FOCAD: variants seen among roughly 807,000 people sequenced by gnomAD.
The protein encoded by FOCAD is focadhesin.
FOCAD carries 198 observed loss-of-function variants against 225.6 expected under a neutral mutation model. The ratio of observed to expected loss-of-function variants is 0.88; its 90% CI spans 0.78 to 0.99. FOCAD has a LOEUF of 0.99. Ranked by LOEUF, FOCAD falls within the 50% of genes least tolerant of loss-of-function variation. The probability of loss-of-function intolerance (pLI) is 0.00; values close to 1 mark genes in which losing one functional copy is unlikely to be tolerated. For synonymous variants in FOCAD, 897 were observed against 755.0 expected, an observed-to-expected ratio of 1.19 and a Z score of -3.08; for missense variants, 2,713 against 2,123.6, an observed-to-expected ratio of 1.28 and a Z score of -5.46.
chr9:20,969,510 G>C (rs1024905771), intron 35 of FOCAD, among the ~76,000 whole-genome samples: 9 of 151,842 alleles, frequency 5.9e-5, no homozygotes, highest in African/African-American at 2.2e-4. Flanking sequence ...AATTTGAATT[G>C]ATTCCAACTG....
intron 18 of FOCAD, chr9:20,872,780 C>T (rs180790230): frequency 6.6e-6 from 1 of 152,134 alleles, no homozygotes; most frequent in East Asian, 1.9e-4. Flanking sequence ...AACATTTTCC[C>T]CCCTGAAAGA....
At chr9:20,802,913 C>A (rs1020567006) in intron 11 of FOCAD, among the ~76,000 whole-genome samples, 1 of 152,126 alleles carries the variant, frequency 6.6e-6, no homozygotes, top group Non-Finnish European at 1.5e-5. Flanking sequence ...TACTTGGTAA[C>A]ACTTGGCTAA....
At chr9:20,982,533 G>A in intron 39 of FOCAD, 87 bp downstream of exon 39, 1 of 1,077,238 alleles carries the variant, frequency 9.3e-7, no homozygotes, top group Non-Finnish European at 1.4e-6. Flanking sequence ...GCTGAAGCAA[G>A]TTTTGCTTCA....
chr9:20,973,374 C>G (rs1839938363), intron 35 of FOCAD, among the ~76,000 whole-genome samples: 1 of 151,806 alleles, frequency 6.6e-6, no homozygotes, highest in Admixed American at 6.6e-5. Flanking sequence ...CCATGTTTCT[C>G]CTTTCTGCAG....
chr9:20,784,101 G>C (rs1471669423), intron 10 of FOCAD, among the ~76,000 whole-genome samples: 1 of 152,164 alleles, frequency 6.6e-6, no homozygotes, highest in African/African-American at 2.4e-5. Context: ...ATGTGGAGAA[G>C]GCCTACTGGA....
rs1840707903 is a variant in FOCAD, at chr9:20,981,622, A to G, written c.4574A>G (p.His1525Arg). Residue 1525 changes from histidine (H) to arginine (R), a missense_variant, in exon 38 of 44, where the codon CAC becomes CGC. His to Arg is a conservative substitution (Grantham distance 29). Coordinates refer to ENST00000338382, the MANE Select transcript of FOCAD (RefSeq NM_001375567.1). ...ATGAAACTGCCCAGCCCTGCCCACC[A>G]CCTCTGGAGTCTGCTCTCTGAAGCT... Reference protein sequence around the residue: ...QAMKLPSPAHHLWSLLSEATG... With the variant: ...QAMKLPSPAHRLWSLLSEATG... 1.2e-6 allele frequency: 2 copies of G among 1,613,908 alleles called. No individual in the cohort carries two copies. Among genetic ancestry groups the G allele is most frequent in the African/African-American group, 1.3e-5 (1 of 74,984 alleles).
At chr9:20,805,131 G>A (rs1391445186) in intron 11 of FOCAD, among the ~76,000 whole-genome samples, 1 of 152,070 alleles carries the variant, frequency 6.6e-6, no homozygotes, top group Admixed American at 6.6e-5. Context: ...AGCACTTTAA[G>A]GTACATGAAG....
At chr9:20,913,941 A>G (rs1253339176) in intron 23 of FOCAD, among the ~76,000 whole-genome samples, 2 of 152,148 alleles carry the variant, frequency 1.3e-5, no homozygotes, top group Non-Finnish European at 2.9e-5. Flanking sequence ...ATATATGAGT[A>G]TAAAGGAGTT....
intron 35 of FOCAD, among the ~76,000 whole-genome samples, chr9:20,961,425 A>G (rs1227561651): frequency 2.0e-5 from 3 of 151,888 alleles, no homozygotes; most frequent in African/African-American, 7.3e-5. Flanking sequence ...TCCTAGGTTT[A>G]TTTTGTACTA....
intron 2 of FOCAD, among the ~76,000 whole-genome samples, chr9:20,664,689 G>A (rs1051055836): frequency 6.8e-6 from 1 of 147,874 alleles, no homozygotes; most frequent in Non-Finnish European, 1.5e-5. Flanking sequence ...TTGTTGACCA[G>A]GCTGGTTTCA....
chr9:20,986,008 T>C lies in FOCAD; in HGVS notation c.4729-280T>C, dbSNP rs61245135. ...CAGTAAGTACTGTATTTGTTAGTCA[T>C]CATTTTATTATTATTGTTTGTGTAT... On this transcript the variant is annotated intron_variant, in intron 39 of 43. Transcript: ENST00000338382. 9.0e-3 allele frequency among the ~76,000 whole-genome samples: 1,369 copies of C among 152,264 alleles called. 20 individuals are homozygous for C. Among genetic ancestry groups the C allele is most frequent in the African/African-American group, 0.031 (1,273 of 41,556 alleles).
intron 22 of FOCAD, among the ~76,000 whole-genome samples, chr9:20,908,278 C>T (rs1375620254): frequency 2.0e-5 from 3 of 151,964 alleles, no homozygotes; most frequent in Non-Finnish European, 4.4e-5. Context: ...TTAGAGATAA[C>T]AGCTGTCCTA....
intron 18 of FOCAD, chr9:20,874,444 C>T (rs549612198): frequency 5.7e-5 from 23 of 403,196 alleles, no homozygotes; most frequent in Middle Eastern, 6.8e-4. Context: ...ACTGTATTAA[C>T]ATAAGCTTTT....
chr9:20,704,326 A>C (rs1824206493), intron 1 of FOCAD, among the ~76,000 whole-genome samples: 1 of 152,188 alleles, frequency 6.6e-6, no homozygotes, highest in Admixed American at 6.5e-5. Context: ...TTTGGTCTTC[A>C]GCTTTCATTA....
At chr9:20,865,075 C>T (rs1829108926) in intron 16 of FOCAD, among the ~76,000 whole-genome samples, 1 of 152,034 alleles carries the variant, frequency 6.6e-6, no homozygotes, top group South Asian at 2.1e-4. Context: ...CGCATTATAC[C>T]ATGTTATCAG....
intron 5 of FOCAD, among the ~76,000 whole-genome samples, chr9:20,743,580 T>A (rs558978679): frequency 2.0e-5 from 3 of 152,242 alleles, no homozygotes; most frequent in Non-Finnish European, 4.4e-5. Context: ...GCTGTAGAGA[T>A]GGTATTCTTT....
At position 20,982,390 on chromosome 9, in the gene FOCAD, A is replaced by G; in HGVS notation, c.4672A>G (p.Lys1558Glu). The change falls in exon 39 of 44, where the codon AAA (lysine) becomes GAA (glutamate). Residue 1558 changes from lysine (K) to glutamate (E), a missense_variant. Physicochemically the swap from Lys to Glu is moderately conservative, Grantham distance 56 (BLOSUM62 1). Coordinates refer to ENST00000338382, the MANE Select transcript of FOCAD (RefSeq NM_001375567.1). ...TCTAGAGCTGTATATCAGCATAGCA[A>G]AATGCCTCTTAGAAATGACAGATGA... Reference protein sequence around the residue: ...KDLELYISIAKCLLEMTDDDA... With the variant: ...KDLELYISIAECLLEMTDDDA... 1 of 1,613,928 alleles carries G rather than the reference A, an allele frequency of 6.2e-7. No homozygotes were observed.
intron 31 of FOCAD, 106 bp from the exon 32 acceptor site, chr9:20,948,744 GT>G: frequency 8.2e-7 from 1 of 1,222,434 alleles, no homozygotes; most frequent in Non-Finnish European, 1.2e-6. Flanking sequence ...GACCCTATAA[GT>G]TTGGTACCAA....
At chr9:20,746,831 G>C (rs1587000118) in intron 5 of FOCAD, among the ~76,000 whole-genome samples, 1 of 151,972 alleles carries the variant, frequency 6.6e-6, no homozygotes, top group Non-Finnish European at 1.5e-5. Context: ...TGTTGCCTTT[G>C]GTTGCCATAC....
Sources: allele counts gnomAD v4.1 joint callset (sites outside exome capture counted in the v4.1 genomes callset), GRCh38; gene constraint gnomAD v4.1.1; transcripts MANE v1.5; gene names NCBI Gene and HGNC (gene_info 2026-07-23, HGNC 2026-07-21).